CSMD1: variants seen among roughly 807,000 people sequenced by gnomAD.
CSMD1 encodes CUB and sushi domain-containing protein 1.
A neutral mutation model predicts 417.5 loss-of-function variants in CSMD1; 213 were observed. The ratio of observed to expected loss-of-function variants is 0.51; its 90% CI spans 0.46 to 0.57. CSMD1 has a LOEUF of 0.57. Ranked by LOEUF, CSMD1 falls within the 20% of genes least tolerant of loss-of-function variation. The pLI, the probability that CSMD1 is intolerant of heterozygous loss-of-function variation, is 0.00. For missense variants in CSMD1, 6,923 were observed against 4,529.7 expected, an observed-to-expected ratio of 1.53 and a Z score of -15.17; for synonymous variants, 2,862 against 1,736.8, an observed-to-expected ratio of 1.65 and a Z score of -16.11.
At chr8:3,146,094 C>A (rs75601543) in intron 40 of CSMD1, among the ~76,000 whole-genome samples, 1 of 152,008 alleles carries the variant, frequency 6.6e-6, no homozygotes, top group Non-Finnish European at 1.5e-5. Flanking sequence ...TCTAAAGAAC[C>A]TTTTATATTG....
At chr8:3,377,217 G>T (rs1337034109) in intron 18 of CSMD1, among the ~76,000 whole-genome samples, 1 of 152,032 alleles carries the variant, frequency 6.6e-6, no homozygotes, top group East Asian at 1.9e-4. Context: ...TTACTGTGTT[G>T]CCCAGGCTGG....
At chr8:3,652,561 T>C (rs73181166) in intron 7 of CSMD1, among the ~76,000 whole-genome samples, 4,958 of 152,278 alleles carry the variant, frequency 0.033, 118 homozygotes, top group Non-Finnish European at 0.053. Context: ...CTTGGCAGAA[T>C]GCAAAGGAGA....
chr8:4,026,876 G>C (rs142664057), intron 4 of CSMD1, among the ~76,000 whole-genome samples: 12 of 152,314 alleles, frequency 7.9e-5, no homozygotes, highest in African/African-American at 2.4e-4. Context: ...TTTGGAATTT[G>C]GCAAGGTGTA....
chr8:3,899,396 G>C (rs891621996), intron 5 of CSMD1, among the ~76,000 whole-genome samples: 1 of 152,170 alleles, frequency 6.6e-6, no homozygotes. Flanking sequence ...TGACCCATAT[G>C]GGTATGCTGA....
intron 1 of CSMD1, among the ~76,000 whole-genome samples, chr8:4,762,426 T>C (rs773899175): frequency 6.6e-6 from 1 of 152,182 alleles, no homozygotes; most frequent in Non-Finnish European, 1.5e-5. Context: ...TTTCATGCTA[T>C]ATCAAACGTG....
intron 1 of CSMD1, among the ~76,000 whole-genome samples, chr8:4,693,655 T>A (rs895445680): frequency 7.9e-5 from 12 of 152,210 alleles, no homozygotes; most frequent in Admixed American, 7.2e-4. Context: ...TTCATTTTAG[T>A]ATTCATTTTC....
chr8:3,176,897 G>A (rs541582140), intron 37 of CSMD1, among the ~76,000 whole-genome samples: 87 of 151,636 alleles, frequency 5.7e-4, no homozygotes, highest in African/African-American at 2.0e-3. Flanking sequence ...TCCCACCTCA[G>A]CCTCCTGTGT....
At chr8:4,479,868 A>C (rs1485770118) in intron 2 of CSMD1, among the ~76,000 whole-genome samples, 1 of 151,798 alleles carries the variant, frequency 6.6e-6, no homozygotes, top group East Asian at 1.9e-4. Flanking sequence ...CGGGAGGCTG[A>C]GGCAGGAGAA....
At chr8:3,774,603 G>A (rs1156629444) in intron 5 of CSMD1, among the ~76,000 whole-genome samples, 1 of 152,222 alleles carries the variant, frequency 6.6e-6, no homozygotes, top group Middle Eastern at 3.4e-3. Flanking sequence ...ATCTTCAGTT[G>A]GGAACCTGTT....
intron 3 of CSMD1, among the ~76,000 whole-genome samples, chr8:4,151,899 G>A (rs1033551674): frequency 3.3e-5 from 5 of 152,296 alleles, no homozygotes; most frequent in South Asian, 2.1e-4. Flanking sequence ...AGAGGGCAGA[G>A]AAGTCCATTT....
chr8:3,140,924 T>G (rs1818398823), intron 41 of CSMD1, among the ~76,000 whole-genome samples: 1 of 152,248 alleles, frequency 6.6e-6, no homozygotes, highest in African/African-American at 2.4e-5. Context: ...GTTCAATCAC[T>G]GATTTTTTTT....
intron 5 of CSMD1, among the ~76,000 whole-genome samples, chr8:3,787,224 G>GA (rs1799499018): frequency 6.6e-6 from 1 of 152,146 alleles, no homozygotes; most frequent in African/African-American, 2.4e-5. Flanking sequence ...TGAGGAAAAT[G>GA]AAAAACAACA....
At chr8:3,091,491 T>C (rs752990506) in intron 48 of CSMD1, 25 bp downstream of exon 48, 54 of 1,548,666 alleles carry the variant, frequency 3.5e-5, no homozygotes, top group Admixed American at 3.3e-4. Flanking sequence ...TACTTTCATA[T>C]AAAATCTAAA....
chr8:3,720,620 T>TTCACACACACACAC (rs72331833), intron 6 of CSMD1, among the ~76,000 whole-genome samples: 6,616 of 143,320 alleles, frequency 0.046, 212 homozygotes, highest in African/African-American at 0.063. Context: ...TCTTTATTCT[T>TTCACACACACACAC]ACACACACAC....
intron 3 of CSMD1, among the ~76,000 whole-genome samples, chr8:4,179,993 A>G (rs10099771): frequency 0.99 from 150,708 of 152,120 alleles, 74,667 homozygotes; most frequent in Middle Eastern, 1. Flanking sequence ...CTGTAAACTA[A>G]TTCAACCATT....
At chr8:3,679,562 T>G (rs1414767217) in intron 7 of CSMD1, among the ~76,000 whole-genome samples, 1 of 152,104 alleles carries the variant, frequency 6.6e-6, no homozygotes, top group Non-Finnish European at 1.5e-5. Flanking sequence ...ACAGAGAGAC[T>G]TAGACTCCCA....
intron 1 of CSMD1, among the ~76,000 whole-genome samples, chr8:4,910,929 G>A (rs1045699588): frequency 6.6e-6 from 1 of 152,120 alleles, no homozygotes; most frequent in Non-Finnish European, 1.5e-5. Flanking sequence ...CATGGGGTCA[G>A]GTCTCTCCCA....
chr8:4,122,703 G>T (rs1167136344), intron 3 of CSMD1, among the ~76,000 whole-genome samples: 2 of 152,148 alleles, frequency 1.3e-5, no homozygotes, highest in Non-Finnish European at 2.9e-5. Context: ...ATGGCTAAAT[G>T]CTGTAACCCA....
At chr8:4,126,958 C>T (rs575704975) in intron 3 of CSMD1, among the ~76,000 whole-genome samples, 1 of 152,086 alleles carries the variant, frequency 6.6e-6, no homozygotes, top group Non-Finnish European at 1.5e-5. Context: ...AGGTGAGGAC[C>T]TACACTGTCA....
Sources: allele counts gnomAD v4.1 joint callset (sites outside exome capture counted in the v4.1 genomes callset), GRCh38; gene constraint gnomAD v4.1.1; transcripts MANE v1.5; gene names NCBI Gene and HGNC (gene_info 2026-07-23, HGNC 2026-07-21).